TENM3: variants seen among roughly 807,000 people sequenced by gnomAD.
The protein encoded by TENM3 is teneurin transmembrane protein 3, also known as teneurin-3.
In TENM3, 63 loss-of-function variants were observed where a neutral mutation model predicts 255.1. The observed-to-expected ratio is 0.25, with a 90% CI of 0.20 to 0.30. TENM3 has a LOEUF of 0.30. Ranked by LOEUF, TENM3 falls within the 10% of genes least tolerant of loss-of-function variation. The probability of loss-of-function intolerance (pLI) is 1.00; values close to 1 mark genes in which losing one functional copy is unlikely to be tolerated. For synonymous variants in TENM3, 1,306 were observed against 1,322.3 expected (o/e 0.99, Z 0.27); for missense variants, 2,929 against 3,461.1 (o/e 0.85, Z 3.86).
At chr4:182,769,101 C>T (rs1330793528) in intron 22 of TENM3, among the ~76,000 whole-genome samples, 2 of 152,200 alleles carry the variant, frequency 1.3e-5, no homozygotes, top group African/African-American at 2.4e-5. Context: ...TCAGTTGAGT[C>T]ACACAGTTGC....
chr4:182,793,908 A>C lies in TENM3; in HGVS notation c.7213+23A>C. 5 of 1,569,440 alleles carry C rather than the reference A, an allele frequency of 3.2e-6. No homozygotes were observed. The highest frequency in any genetic ancestry group is 4.3e-6 in the Non-Finnish European group (5 of 1,156,920). On this transcript the variant is annotated intron_variant, in intron 26 of 27. Transcript: ENST00000511685. This position sits in a 1 kb window ranked among gnomAD's most constrained non-coding sequence, Gnocchi z 5.7. ...CAGGTAAGCATTTTGATTCCTTCCC[A>C]AGAGCTGGAGGACTACCATCATTAG...
At chr4:181,650,500 G>T in the TENM3 span, among the ~76,000 whole-genome samples, 1 of 152,172 alleles carries the variant, frequency 6.6e-6, no homozygotes, top group East Asian at 1.9e-4. Flanking sequence ...TGGAGACGGG[G>T]TGTTCATCAT....
At chr4:181,703,307 G>A in the TENM3 span, among the ~76,000 whole-genome samples, 109 of 152,286 alleles carry the variant, frequency 7.2e-4, no homozygotes, top group African/African-American at 2.5e-3. Context: ...TACTGTTAGA[G>A]AGCCTTCTAT....
At chr4:181,754,094 A>G in the TENM3 span, among the ~76,000 whole-genome samples, 1 of 152,226 alleles carries the variant, frequency 6.6e-6, no homozygotes, top group Non-Finnish European at 1.5e-5. Context: ...CTTTTATGCT[A>G]TAAATCAGTT....
the TENM3 span, among the ~76,000 whole-genome samples, chr4:181,505,934 G>C: frequency 7.9e-5 from 12 of 152,126 alleles, no homozygotes; most frequent in Non-Finnish European, 1.5e-5. Flanking sequence ...CTAAAATCAT[G>C]TACTTTTTAT....
the TENM3 span, among the ~76,000 whole-genome samples, chr4:181,464,530 T>C: frequency 6.6e-6 from 1 of 152,248 alleles, no homozygotes; most frequent in African/African-American, 2.4e-5. Context: ...CAAGAGTTCT[T>C]AAAATATGCT....
At chr4:182,160,873 G>A (rs1468401215) in intron 1 of TENM3, among the ~76,000 whole-genome samples, 1 of 151,860 alleles carries the variant, frequency 6.6e-6, no homozygotes, top group African/African-American at 2.4e-5. Context: ...TGAGGGAAAT[G>A]CTAACTAGCC....
At chr4:182,297,177 A>G (rs996213959) in intron 1 of TENM3, among the ~76,000 whole-genome samples, 1 of 152,110 alleles carries the variant, frequency 6.6e-6, no homozygotes, top group Non-Finnish European at 1.5e-5. Context: ...CCAGGTGGAG[A>G]ACTCAAATTC....
At chr4:181,897,720 G>A in the TENM3 span, among the ~76,000 whole-genome samples, 1 of 152,274 alleles carries the variant, frequency 6.6e-6, no homozygotes, top group African/African-American at 2.4e-5. Flanking sequence ...GTTGGGCAAG[G>A]ACAGTTTTTA....
At chr4:181,460,458 C>A in the TENM3 span, among the ~76,000 whole-genome samples, 4 of 151,676 alleles carry the variant, frequency 2.6e-5, no homozygotes, top group Non-Finnish European at 5.9e-5. Flanking sequence ...ATGATCTCTG[C>A]CTTTTAATTG....
chr4:182,170,952 C>T (rs987569956), intron 1 of TENM3, among the ~76,000 whole-genome samples: 4 of 152,016 alleles, frequency 2.6e-5, no homozygotes, highest in African/African-American at 9.7e-5. Flanking sequence ...AATACATCAT[C>T]GGTAGTTTTG....
intron 1 of TENM3, among the ~76,000 whole-genome samples, chr4:182,205,719 T>C (rs950595341): frequency 6.6e-6 from 1 of 152,242 alleles, no homozygotes; most frequent in Non-Finnish European, 1.5e-5. Flanking sequence ...ATTTATCTAT[T>C]TGCAAATTAT....
At chr4:182,326,890 G>A (rs1448712377) in intron 2 of TENM3, among the ~76,000 whole-genome samples, 3 of 152,136 alleles carry the variant, frequency 2.0e-5, no homozygotes, top group Non-Finnish European at 4.4e-5. Flanking sequence ...GGATAGTGAG[G>A]TGTGAGCAAA....
chr4:182,779,866 A>G (rs1343357648), intron 24 of TENM3, among the ~76,000 whole-genome samples: 1 of 152,178 alleles, frequency 6.6e-6, no homozygotes, highest in Non-Finnish European at 1.5e-5. Context: ...TCTTTTGGAA[A>G]GTGTCTGTTC....
At chr4:181,688,801 C>A in the TENM3 span, among the ~76,000 whole-genome samples, 3,010 of 152,238 alleles carry the variant, frequency 0.02, 85 homozygotes, top group African/African-American at 0.069. Flanking sequence ...AACTATTAAG[C>A]AAGATGATAC....
At chr4:182,755,534 C>T (rs767061940) in intron 22 of TENM3, among the ~76,000 whole-genome samples, 6 of 151,024 alleles carry the variant, frequency 4.0e-5, no homozygotes, top group East Asian at 2.0e-4. Context: ...AGAGCCAGAA[C>T]GTATCTCTAA....
the TENM3 span, among the ~76,000 whole-genome samples, chr4:181,613,059 C>T: frequency 6.6e-6 from 1 of 152,130 alleles, no homozygotes; most frequent in Non-Finnish European, 1.5e-5. Flanking sequence ...ACTCTAATGC[C>T]TATCATGCCG....
intron 3 of TENM3, among the ~76,000 whole-genome samples, chr4:182,387,203 G>GTA (rs1441120635): frequency 6.6e-6 from 1 of 151,624 alleles, no homozygotes; most frequent in Non-Finnish European, 1.5e-5. Flanking sequence ...TCGGCAATCT[G>GTA]TATCTAGCTC....
intron 4 of TENM3, 107 bp downstream of exon 4, chr4:182,601,268 G>C (rs1747824309): frequency 1.1e-6 from 1 of 903,908 alleles, no homozygotes; most frequent in Admixed American, 2.8e-5. Flanking sequence ...TGTTGTTGTT[G>C]TGTTTTCTTT....
Sources: gnomAD v4.1 joint callset for allele counts (sites outside exome capture counted in the v4.1 genomes callset) on GRCh38, gnomAD v4.1.1 for gene constraint, Gnocchi (gnomAD v3.1) non-coding constraint, MANE v1.5 for transcripts, NCBI Gene and HGNC (gene_info 2026-07-23, HGNC 2026-07-21) for gene names.